Variants in ABCB1 observed in about 807,000 individuals in gnomAD.
ABCB1 encodes ATP-dependent translocase ABCB1.
A neutral mutation model predicts 142.0 loss-of-function variants in ABCB1; 69 were observed. That is an observed-to-expected ratio of 0.49 (90% CI 0.40 to 0.59). The LOEUF (loss-of-function observed/expected upper bound fraction) is 0.59. Ranked by LOEUF, ABCB1 falls within the 20% of genes least tolerant of loss-of-function variation. The pLI is 0.00. For synonymous variants in ABCB1, 532 were observed against 539.2 expected, an observed-to-expected ratio of 0.99 and a Z score of 0.18; for missense variants, 1,326 against 1,554.7, an observed-to-expected ratio of 0.85 and a Z score of 2.47.
chr7:87,679,385 G>A lies in ABCB1; in HGVS notation c.-331+33776C>T, dbSNP rs553131413. The stretch of plus-strand genomic sequence containing the variant: ...TGGGATTACAAGTGTGAGCCACCGT[G>A]CCCGGCCCCCAACTTTTTTTTAAGA... On this transcript the variant is annotated intron_variant, in intron 1 of 28. Transcript: ENST00000265724. Among the ~76,000 whole-genome samples the A allele has an allele frequency of 2.7e-5, 4 of 149,584 alleles. 1 individual carries two copies. The East Asian group carries it at 8.0e-4, about 30-fold the overall frequency.
intron 4 of ABCB1, among the ~76,000 whole-genome samples, chr7:87,570,970 C>G (rs1243259760): frequency 2.0e-5 from 3 of 152,114 alleles, no homozygotes; most frequent in African/African-American, 7.2e-5. Flanking sequence ...TTCAATGTTG[C>G]AACTATTTCA....
rs947910380 is a variant in ABCB1 at position 87,658,038 on chromosome 7, A to G, written c.-331+55123T>C. Among the ~76,000 whole-genome samples, 8 of 152,178 alleles carry G rather than the reference A, an allele frequency of 5.3e-5. No individual in the cohort carries two copies. In the East Asian group the frequency reaches 1.5e-3, roughly 29 times the overall value. ...ATTTGTCATACCAAGAACCAGGAAG[A>G]TCTCAGATTGCATAATAAAAGATAG... On this transcript the variant is annotated intron_variant, in intron 1 of 28. Coordinates refer to the ABCB1 transcript ENST00000265724.
chr7:87,702,117 T>C (rs1206467282), intron 1 of ABCB1, among the ~76,000 whole-genome samples: 1 of 105,912 alleles, frequency 9.4e-6, no homozygotes, highest in East Asian at 3.0e-4. Context: ...CACTCCAGCC[T>C]GGGCAAAAGA....
At chr7:87,526,567 G>C (rs908506987) in intron 21 of ABCB1, among the ~76,000 whole-genome samples, 3 of 151,736 alleles carry the variant, frequency 2.0e-5, no homozygotes, top group African/African-American at 7.3e-5. Context: ...TCATCTAAAG[G>C]CTGAATTAGA....
intron 4 of ABCB1, among the ~76,000 whole-genome samples, chr7:87,579,066 T>C (rs2129889649): frequency 6.6e-6 from 1 of 152,356 alleles, no homozygotes; most frequent in East Asian, 1.9e-4. Flanking sequence ...TGTTGTATGT[T>C]GATTTTGTAT....
chr7:87,547,419 G>C (rs1816831238), intron 14 of ABCB1, among the ~76,000 whole-genome samples: 1 of 152,032 alleles, frequency 6.6e-6, no homozygotes, highest in African/African-American at 2.4e-5. Flanking sequence ...TTTCACTATA[G>C]ATTAATAAGG....
rs2235066 is a variant in ABCB1, at chr7:87,539,139, C to T, written c.2397+129G>A. ...GTGGGCGGTTCAACCGCATCTCTGACGTGAGACTGAGGGACAACCAATATA... is the reference window on the plus strand; with the variant it reads ...GTGGGCGGTTCAACCGCATCTCTGATGTGAGACTGAGGGACAACCAATATA... On this transcript the variant is annotated intron_variant, in intron 19 of 27. Coordinates refer to ENST00000622132, the MANE Select transcript of ABCB1 (RefSeq NM_001348946.2). 1,146 of 987,714 alleles carry T rather than the reference C, an allele frequency of 1.2e-3. 13 individuals carry two copies. In the East Asian group the frequency reaches 0.025, roughly 22 times the overall value. The allele number at this position is 987,714 out of a possible 1,614,324, so 61.2% of individuals were successfully genotyped here.
At chr7:87,585,430 A>G (rs1367830295) in intron 4 of ABCB1, 82 bp downstream of exon 4, 6 of 1,400,832 alleles carry the variant, frequency 4.3e-6, no homozygotes, top group Non-Finnish European at 6.0e-6. Context: ...ATGTGTATTT[A>G]GTAAAGAATC....
intron 3 of ABCB1, among the ~76,000 whole-genome samples, chr7:87,593,651 T>C (rs1458377833): frequency 6.6e-6 from 1 of 152,246 alleles, no homozygotes; most frequent in Non-Finnish European, 1.5e-5. Context: ...CTTCCTTCTA[T>C]GAGTCTGAAA....
At chr7:87,608,022 G>T (rs1396666449) in intron 1 of ABCB1, among the ~76,000 whole-genome samples, 2 of 152,156 alleles carry the variant, frequency 1.3e-5, no homozygotes, top group African/African-American at 4.8e-5. Flanking sequence ...AATGATGCCT[G>T]CCAAGAAATA....
At chr7:87,553,317 CTTTTTTTTTTT>C (rs941637830) in intron 9 of ABCB1, among the ~76,000 whole-genome samples, 2 of 112,666 alleles carry the variant, frequency 1.8e-5, no homozygotes, top group South Asian at 5.4e-4. Flanking sequence ...TTTTTTTCCA[CTTTTTTTTTTT>C]TTTTTTTTTT....
intron 3 of ABCB1, 73 bp from the exon 4 acceptor site, chr7:87,585,753 A>G: frequency 6.6e-7 from 1 of 1,510,712 alleles, no homozygotes; most frequent in Non-Finnish European, 9.0e-7. Context: ...TTTCCTTCAA[A>G]ATATATCCAA....
At chr7:87,579,817 A>G (rs899544095) in intron 4 of ABCB1, among the ~76,000 whole-genome samples, 2 of 151,992 alleles carry the variant, frequency 1.3e-5, no homozygotes, top group Admixed American at 1.3e-4. Context: ...TATCTGCTGT[A>G]TGTTATTTTA....
At chr7:87,611,041 C>CA (rs1219622526) in intron 1 of ABCB1, among the ~76,000 whole-genome samples, 1 of 152,194 alleles carries the variant, frequency 6.6e-6, no homozygotes, top group Non-Finnish European at 1.5e-5. Context: ...TCCACATTTA[C>CA]TCTGGTCTTC....
upstream of ABCB1, among the ~76,000 whole-genome samples, chr7:87,603,883 C>A (rs1466650121): frequency 6.6e-6 from 1 of 152,116 alleles, no homozygotes; most frequent in African/African-American, 2.4e-5. Flanking sequence ...AATGTTATGG[C>A]AAGATTAAGT....
Position 87,550,843 on chromosome 7 carries a change from G to T in ABCB1, c.1000-5C>A. The stretch of plus-strand genomic sequence containing the variant: ...AATTAATACAGAAAAGAATACCTGA[G>T]GAATGTGAAGAAAAACCATCAGGCT... On this transcript the variant is annotated splice_polypyrimidine_tract_variant and splice_region_variant and intron_variant, in intron 9 of 27. Coordinates refer to ENST00000622132, the MANE Select transcript of ABCB1 (RefSeq NM_001348946.2). 1 of 1,571,056 alleles carries T rather than the reference G, an allele frequency of 6.4e-7. No homozygotes were observed.
intron 1 of ABCB1, among the ~76,000 whole-genome samples, chr7:87,656,295 G>A (rs1184675733): frequency 6.6e-6 from 1 of 151,772 alleles, no homozygotes; most frequent in Non-Finnish European, 1.5e-5. Flanking sequence ...AATTAATACA[G>A]TTATAAGTTT....
rs563313937 is a variant in ABCB1 at position 87,546,211 on chromosome 7, T to G, written c.1726-187A>C. Among the ~76,000 whole-genome samples the G allele has an allele frequency of 5.9e-5, 9 of 152,348 alleles. No homozygotes were observed. The East Asian group carries it at 1.7e-3, about 29-fold the overall frequency. ...AGTTAAAAATGATGTTTCCTTGTAA[T>G]AAATACAAACACAAATATAACAGTC... is the stretch of plus-strand genomic sequence containing the variant. On this transcript the variant is annotated intron_variant, in intron 14 of 27. Transcript: ENST00000622132.
intron 1 of ABCB1, among the ~76,000 whole-genome samples, chr7:87,631,460 G>C (rs1372351729): frequency 1.3e-5 from 2 of 152,024 alleles, no homozygotes; most frequent in Non-Finnish European, 2.9e-5. Context: ...GCGCGATCTC[G>C]GCTCACTGCA....
Sources: allele counts gnomAD v4.1 joint callset (sites outside exome capture counted in the v4.1 genomes callset), GRCh38; gene constraint gnomAD v4.1.1; transcripts MANE v1.5; gene names NCBI Gene and HGNC (gene_info 2026-07-23, HGNC 2026-07-21).